DHX57: variants seen among roughly 807,000 people sequenced by gnomAD.
DHX57 encodes DExH-box helicase 57, also known as putative ATP-dependent RNA helicase DHX57.
A neutral mutation model predicts 156.2 loss-of-function variants in DHX57; 105 were observed. The observed-to-expected ratio is 0.67, with a 90% CI of 0.57 to 0.79. The LOEUF (loss-of-function observed/expected upper bound fraction) is 0.79, where lower values mean the gene tolerates loss of function less well. Among genes scored for constraint, DHX57 ranks in the 30% least tolerant of loss-of-function variants. DHX57 has a pLI of 0.00. For synonymous variants in DHX57, 704 were observed against 595.6 expected (o/e 1.18, Z -2.65); for missense variants, 1,847 against 1,661.9 (o/e 1.11, Z -1.94).
intron 2 of DHX57, among the ~76,000 whole-genome samples, chr2:38,864,532 T>A (rs1448277136): frequency 6.6e-6 from 1 of 152,184 alleles, no homozygotes; most frequent in East Asian, 1.9e-4. Flanking sequence ...AAGTCAGCCT[T>A]TCTATTTGTA....
In DHX57 at chr2:38,798,036, A is replaced by G. The variant is rs1669471485; in HGVS notation, c.*263T>C. ...TTATCAGGTGAACTTAATTCACTCC[A>G]GAACAATCACAGAGACAAAGACAGG... On this transcript the variant is annotated 3_prime_UTR_variant, in exon 24 of 24. Transcript: ENST00000457308. The G allele has an allele frequency of 2.7e-6, 1 of 366,924 alleles. No individual in the cohort carries two copies. The highest frequency in any genetic ancestry group is 5.1e-6 in the Non-Finnish European group (1 of 194,584). The allele number at this position is 366,924 out of a possible 1,614,324, so 22.7% of individuals were successfully genotyped here. A position where few individuals can be genotyped will look rare whatever the true frequency, so the allele number is the denominator to read the frequency against.
rs764933005 is a variant in DHX57, at chr2:38,868,285, C to A, written c.121G>T (p.Gly41Cys). 3 of 1,613,912 alleles carry A rather than the reference C, an allele frequency of 1.9e-6. No individual in the cohort carries two copies. The highest frequency in any genetic ancestry group is 2.5e-6 in the Non-Finnish European group (3 of 1,179,950). ...CCGCCACCTCCACCACCACCACCAC[C>A]GCCACCGCCACCACTCCCATGAGAT... ...SKSHGSGGGG[G>C]GGGGGGGGNR... Residue 41 changes from glycine (G) to cysteine (C), a missense_variant, in exon 2 of 24, where the codon GGT (glycine) becomes TGT (cysteine). Gly to Cys is a radical substitution (Grantham distance 159). Coordinates refer to ENST00000457308, the MANE Select transcript of DHX57 (RefSeq NM_198963.3).
chr2:38,825,088 C>T (rs547492527), intron 16 of DHX57, among the ~76,000 whole-genome samples: 23 of 152,226 alleles, frequency 1.5e-4, no homozygotes, highest in Middle Eastern at 3.4e-3. Flanking sequence ...TTATGAATAT[C>T]GGCAACTTAG....
At chr2:38,861,923 G>C in intron 4 of DHX57, 86 bp from the exon 5 acceptor site, 5 of 1,395,242 alleles carry the variant, frequency 3.6e-6, no homozygotes, top group Non-Finnish European at 4.8e-6. Context: ...ATGCTTAGAT[G>C]AAGTTATGAC....
Position 38,855,258 on chromosome 2 carries a change from C to A in DHX57, c.1710-6G>T, listed in dbSNP as rs772049555. 1.1e-5 allele frequency: 17 copies of A among 1,613,922 alleles called. No individual in the cohort carries two copies. Among genetic ancestry groups the A allele is most frequent in the Non-Finnish European group, 6.8e-6 (8 of 1,179,944 alleles). On this transcript the variant is annotated splice_region_variant and splice_polypyrimidine_tract_variant and intron_variant, in intron 7 of 23. Transcript: ENST00000457308. The stretch of plus-strand genomic sequence containing the variant: ...TTTGTGTGGTTTTCCCACATCTGTA[C>A]ATTAAAACAAATAAGTCCTAAAATG...
chr2:38,863,176 CA>C (rs1278462390), intron 3 of DHX57, 184 bp downstream of exon 3: 3 of 631,428 alleles, frequency 4.8e-6, no homozygotes, highest in Non-Finnish European at 7.7e-6. Flanking sequence ...ATGGATGTTG[CA>C]AAACAAACTC....
intron 14 of DHX57, among the ~76,000 whole-genome samples, chr2:38,828,120 A>T (rs3099984): frequency 0.36 from 54,161 of 151,946 alleles, 9,843 homozygotes; most frequent in Admixed American, 0.37. Flanking sequence ...CCTCCCAAAG[A>T]GCTGGGATTA....
At position 38,800,753 on chromosome 2, in the gene DHX57, C is replaced by A. The variant is rs373799570; in HGVS notation, c.4017+1962G>T. 2.2e-4 allele frequency among the ~76,000 whole-genome samples: 33 copies of A among 152,286 alleles called. No homozygotes were observed. In the East Asian group the frequency reaches 5.2e-3, roughly 24 times the overall value. On this transcript the variant is annotated intron_variant, in intron 23 of 23. Transcript: ENST00000457308. ...CCTTTCGATACCACTAGGTTAACCA[C>A]GTTTTTGTCACCACTGAACTGCTAA... is the stretch of plus-strand genomic sequence containing the variant.
intron 21 of DHX57, chr2:38,811,595 G>A (rs1410176988): frequency 3.7e-6 from 5 of 1,368,522 alleles, no homozygotes; most frequent in Non-Finnish European, 4.1e-6. Flanking sequence ...GCCACACGAG[G>A]ATGCAGGAGG....
At chr2:38,832,884 T>C (rs1269605356) in intron 13 of DHX57, among the ~76,000 whole-genome samples, 1 of 152,222 alleles carries the variant, frequency 6.6e-6, no homozygotes, top group Non-Finnish European at 1.5e-5. Flanking sequence ...ATCATTACAT[T>C]CATTTATTCA....
At chr2:38,870,261 A>G (rs1359661506) in intron 1 of DHX57, among the ~76,000 whole-genome samples, 1 of 152,178 alleles carries the variant, frequency 6.6e-6, no homozygotes, top group Non-Finnish European at 1.5e-5. Context: ...AGAATACCAG[A>G]AGGAAAGGAA....
intron 9 of DHX57, among the ~76,000 whole-genome samples, chr2:38,848,612 G>A (rs1264674575): frequency 6.6e-6 from 1 of 152,108 alleles, no homozygotes; most frequent in Non-Finnish European, 1.5e-5. Flanking sequence ...GGAACCAGAA[G>A]TGTTTCAGAT....
At position 38,798,224 on chromosome 2, in the gene DHX57, G is replaced by C. The variant is rs1342703520; in HGVS notation, c.*75C>G. ...GCCAGCCCCAATAGGTCTTTAGTTC[G>C]AGGTAGAGGTTCTGCTGTTATTTCC... On this transcript the variant is annotated 3_prime_UTR_variant, in exon 24 of 24. Coordinates refer to ENST00000457308, the MANE Select transcript of DHX57 (RefSeq NM_198963.3). The C allele has an allele frequency of 3.9e-6, 6 of 1,541,316 alleles. No homozygotes were observed. The East Asian group carries it at 1.1e-4, about 29-fold the overall frequency.
Position 38,818,973 on chromosome 2 carries a change from G to GA in DHX57, c.3388-14dup, listed in dbSNP as rs754666091. On this transcript the variant is annotated splice_polypyrimidine_tract_variant and intron_variant, in intron 18 of 23. Coordinates refer to ENST00000457308, the MANE Select transcript of DHX57 (RefSeq NM_198963.3). ...TTAGCTGCCATCCCTAAATTTTGGA[G>GA]AAAATCAAACTGAACTTACTCAGTC... is the stretch of plus-strand genomic sequence containing the variant. 1.9e-6 allele frequency: 3 copies of GA among 1,614,118 alleles called. No homozygotes were observed. In the East Asian group the frequency reaches 6.7e-5, roughly 36 times the overall value.
At chr2:38,859,431 G>A (rs1294534211) in intron 5 of DHX57, among the ~76,000 whole-genome samples, 1 of 152,122 alleles carries the variant, frequency 6.6e-6, no homozygotes, top group African/African-American at 2.4e-5. Context: ...TTCTTTTGGG[G>A]TTGATGATAA....
At position 38,868,352 on chromosome 2, in the gene DHX57, C is replaced by T. The variant is rs747911380; in HGVS notation, c.54G>A (p.Gly18=). The part of the protein sequence containing the change: ...KGKPGKGGGK[G]SSRGGRGGRS... ...TGCCTCCTCTTCCTCCTCTAGAAGA[C>T]CCTTTTCCACCTCCTTTGCCTGGCT... The change falls in exon 2 of 24, where the codon GGG becomes GGA. Residue 18 remains glycine (G), a synonymous_variant. Coordinates refer to ENST00000457308, the MANE Select transcript of DHX57 (RefSeq NM_198963.3). The T allele has an allele frequency of 9.9e-6, 16 of 1,613,468 alleles. No individual in the cohort carries two copies. In the African/African-American group the frequency reaches 1.2e-4, roughly 12 times the overall value.
intron 14 of DHX57, 103 bp downstream of exon 14, chr2:38,828,237 G>A: frequency 2.7e-6 from 2 of 735,468 alleles, no homozygotes; most frequent in Middle Eastern, 4.9e-4. Context: ...ATAAACAAAT[G>A]TATGCTCGAA....
intron 17 of DHX57, among the ~76,000 whole-genome samples, chr2:38,820,326 CT>C (rs1297981293): frequency 4.0e-4 from 59 of 146,212 alleles, no homozygotes; most frequent in South Asian, 4.3e-4. Flanking sequence ...TTCTCTCTCT[CT>C]TTTTTTTTTT....
intron 16 of DHX57, among the ~76,000 whole-genome samples, chr2:38,823,997 C>A (rs1241223050): frequency 6.6e-6 from 1 of 150,550 alleles, no homozygotes; most frequent in East Asian, 2.0e-4. Context: ...GGTGACTGAG[C>A]AAGACTCTGT....
Sources: gnomAD v4.1 joint callset for allele counts (sites outside exome capture counted in the v4.1 genomes callset) on GRCh38, gnomAD v4.1.1 for gene constraint, MANE v1.5 for transcripts, NCBI Gene and HGNC (gene_info 2026-07-23, HGNC 2026-07-21) for gene names.